ZNF746: variants seen among roughly 807,000 people sequenced by gnomAD.
ZNF746 encodes the protein zinc finger protein 746.
Under a neutral mutation model 41.0 loss-of-function variants are expected in ZNF746, and 13 were observed. The observed-to-expected ratio is 0.32, with a 90% confidence interval of 0.21 to 0.50. ZNF746 has a LOEUF of 0.50. ZNF746 is among the 20% of genes least tolerant of loss of function. The probability of loss-of-function intolerance (pLI) is 0.98; values close to 1 mark genes in which losing one functional copy is unlikely to be tolerated. For missense variants in ZNF746, 811 were observed against 922.9 expected, an observed-to-expected ratio of 0.88 and a Z score of 1.57; for synonymous variants, 424 against 396.2, an observed-to-expected ratio of 1.07 and a Z score of -0.83.
chr7:149,487,299 A>T (rs77336513), intron 4 of ZNF746, among the ~76,000 whole-genome samples: 14 of 152,370 alleles, frequency 9.2e-5, no homozygotes, highest in African/African-American at 3.4e-4. Flanking sequence ...AAAAAGGAGA[A>T]AAACAGCATT....
At chr7:149,478,260 TG>T (rs1800378997) in intron 4 of ZNF746, among the ~76,000 whole-genome samples, 1 of 152,130 alleles carries the variant, frequency 6.6e-6, no homozygotes, top group Non-Finnish European at 1.5e-5. Context: ...CCTTAGGGGC[TG>T]GGCTTTCATG....
intron 4 of ZNF746, chr7:149,489,751 A>C (rs1445212720): frequency 6.5e-6 from 1 of 153,160 alleles, no homozygotes; most frequent in African/African-American, 2.4e-5. Context: ...GGGCTGAGGC[A>C]AGACTGGGGG....
In ZNF746 at chr7:149,492,049, C is replaced by T. The variant is rs1800825615; in HGVS notation, c.565+810G>A. On this transcript the variant is annotated intron_variant, in intron 4 of 6. Coordinates refer to ENST00000458143, the MANE Select transcript of ZNF746 (RefSeq NM_001394198.1). ...GACCAAAGTAGCTCTACAACTGCTA[C>T]TGGTTTAAATTAAGGTTGGTTCTTG... is the stretch of plus-strand genomic sequence containing the variant. The T allele has an allele frequency of 4.4e-5, 31 of 698,236 alleles. 1 individual carries two copies. In the South Asian group the frequency reaches 4.6e-4, roughly 10 times the overall value. The allele number at this position is 698,236 out of a possible 1,614,324, so 43.3% of individuals were successfully genotyped here. A position where few individuals can be genotyped will look rare whatever the true frequency, so the allele number is the denominator to read the frequency against.
At position 149,477,604 on chromosome 7, in the gene ZNF746, C is replaced by T. The variant is rs1231572256; in HGVS notation, c.717G>A (p.Leu239=). 2 of 1,613,140 alleles carry T rather than the reference C, an allele frequency of 1.2e-6. No individual in the cohort carries two copies. Among genetic ancestry groups the T allele is most frequent in the Non-Finnish European group, 1.7e-6 (2 of 1,179,350 alleles). The stretch of plus-strand genomic sequence containing the variant: ...TGGAGATGTCTCCTGCTCCGGAATC[C>T]AGCTGGCTGAGGCCCCAGGGCTCCT... ...IGEEPWGLSQ[L]DSGAGDISTD... Residue 239 remains leucine, a synonymous_variant, in exon 5 of 7, where the codon CTG becomes CTA. Transcript: ENST00000458143.
At chr7:149,484,374 A>T (rs970947325) in intron 4 of ZNF746, among the ~76,000 whole-genome samples, 1 of 152,234 alleles carries the variant, frequency 6.6e-6, no homozygotes, top group Non-Finnish European at 1.5e-5. Context: ...AGGTTGGTTC[A>T]ACATTAGAAA....
intron 4 of ZNF746, among the ~76,000 whole-genome samples, chr7:149,483,013 T>A (rs777778184): frequency 2.7e-4 from 41 of 152,138 alleles, no homozygotes; most frequent in Non-Finnish European, 3.5e-4. Context: ...TACAGAGCGT[T>A]AAGGAAAAAT....
chr7:149,477,748 C>T lies in ZNF746; in HGVS notation c.573G>A (p.Gly191=), dbSNP rs1800355824. ...DVPVDPSPGS[G]PPVPAPDLLM... is the part of the protein sequence containing the mutation. Reference sequence around the variant, plus strand: ...AGAGGTCTGGGGCGGGAACTGGGGGCCCCGAGCCTAGGAAAGGGAGTGAGT... The same window carrying T: ...AGAGGTCTGGGGCGGGAACTGGGGGTCCCGAGCCTAGGAAAGGGAGTGAGT... The change falls in exon 5 of 7, where the codon GGG becomes GGA. Residue 191 remains glycine, a synonymous_variant. Coordinates refer to ENST00000458143, the MANE Select transcript of ZNF746 (RefSeq NM_001394198.1). 2 of 1,602,900 alleles carry T rather than the reference C, an allele frequency of 1.2e-6. No homozygotes were observed. The highest frequency in any genetic ancestry group is 4.5e-5 in the East Asian group (2 of 44,590).
rs1800940117 is a variant in ZNF746, at chr7:149,494,787, T to G, written c.25-284A>C. On this transcript the variant is annotated intron_variant, in intron 1 of 6. Transcript: ENST00000458143. The surrounding 1 kb of genome is among the most constrained non-coding windows in gnomAD (Gnocchi z 5.6). ...TAATTTCCTACCCACACCTACACTG[T>G]GGGCTCCCTGAACATGGTATTGCAT... 6.6e-6 allele frequency among the ~76,000 whole-genome samples: 1 copy of G among 152,058 alleles called. No individual in the cohort carries two copies. Among genetic ancestry groups the G allele is most frequent in the Non-Finnish European group, 1.5e-5 (1 of 68,010 alleles).
At position 149,497,585 on chromosome 7, in the gene ZNF746, C is replaced by CCG. The variant is rs1484186144; in HGVS notation, c.-51_-50dup. On this transcript the variant is annotated 5_prime_UTR_variant, in exon 1 of 7. Transcript: ENST00000458143. The surrounding 1 kb of genome is among the most constrained non-coding windows in gnomAD (Gnocchi z 4.2). ...CCGGAGGAAGTCGTCGTCGCCGCCGCCGCGCGCGGCACCACGCAGGCCCGG... is the reference window on the plus strand; with the variant it reads ...CCGGAGGAAGTCGTCGTCGCCGCCGCCGCGCGCGCGGCACCACGCAGGCCCGG... The CCG allele has an allele frequency of 2.8e-5, 29 of 1,040,236 alleles. No individual in the cohort carries two copies. The highest frequency in any genetic ancestry group is 4.4e-5 in the South Asian group (1 of 22,852). 64.4% of individuals were successfully genotyped at this position (1,040,236 alleles called of 1,614,324 possible).
Position 149,494,069 on chromosome 7 carries a change from T to A in ZNF746, c.371A>T (p.Glu124Val), listed in dbSNP as rs747769896. 6.2e-7 allele frequency: 1 copy of A among 1,614,026 alleles called. No homozygotes were observed. Among genetic ancestry groups the A allele is most frequent in the Non-Finnish European group, 8.5e-7 (1 of 1,179,994 alleles). ...DDVAVYFSEQ[E>V]WGKLEDWQKE... is the part of the protein sequence containing the mutation. ...CTGCCAGTCCTCCAGCTTGCCCCACTCCTGCTCGGAGAAATACACGGCCAC... is the reference window on the plus strand; with the variant it reads ...CTGCCAGTCCTCCAGCTTGCCCCACACCTGCTCGGAGAAATACACGGCCAC... Residue 124 changes from glutamate (E) to valine (V), a missense_variant, in exon 3 of 7, where the codon GAG becomes GTG. This residue lies in a region of ZNF746 where 147 missense variants were observed against 233.4 expected (regional missense o/e 0.63). Coordinates refer to ENST00000458143, the MANE Select transcript of ZNF746 (RefSeq NM_001394198.1). The surrounding 1 kb of genome is among the most constrained non-coding windows in gnomAD (Gnocchi z 5.6).
chr7:149,485,883 A>G (rs537886461), intron 4 of ZNF746, among the ~76,000 whole-genome samples: 137 of 152,132 alleles, frequency 9.0e-4, no homozygotes, highest in African/African-American at 3.3e-3. Flanking sequence ...TACTAAAAAT[A>G]CAAAAATTAG....
chr7:149,476,877 C>A (rs1211803552), intron 6 of ZNF746, 45 bp downstream of exon 6: 1 of 1,612,666 alleles, frequency 6.2e-7, no homozygotes, highest in African/African-American at 1.3e-5. Flanking sequence ...AGGTACTCCC[C>A]ACAGGCAAGC....
At chr7:149,493,045 C>A in intron 3 of ZNF746, 73 bp from the exon 4 acceptor site, 1 of 990,900 alleles carries the variant, frequency 1.0e-6, no homozygotes, top group Non-Finnish European at 1.6e-6. Flanking sequence ...GGAAAACCAA[C>A]AATGGTCTAG....
chr7:149,475,189 A>C lies in ZNF746; in HGVS notation c.1178T>G (p.Val393Gly). ...TPPGDWLFGG[V>G]RWGWNFRCKP... ...ACACCGGAAATTCCAGCCCCACCGG[A>C]CCCCTCCGAAGAGCCAGTCCCCAGG... The change falls in exon 7 of 7, where the codon GTC (valine) becomes GGC (glycine). Residue 393 changes from valine (V) to glycine (G), a missense_variant. Val to Gly is a moderately radical substitution (Grantham distance 109, BLOSUM62 -3). Transcript: ENST00000458143. 6.2e-7 allele frequency: 1 copy of C among 1,611,838 alleles called. No homozygotes were observed. Among genetic ancestry groups the C allele is most frequent in the Non-Finnish European group, 8.5e-7 (1 of 1,179,532 alleles).
intron 5 of ZNF746, 137 bp downstream of exon 5, chr7:149,477,427 C>G (rs746283365): frequency 9.5e-7 from 1 of 1,057,184 alleles, no homozygotes; most frequent in East Asian, 2.5e-5. Flanking sequence ...AGTCCTACCT[C>G]GAGACGGGAA....
Position 149,475,097 on chromosome 7 carries a change from C to T in ZNF746, c.1270G>A (p.Gly424Arg), listed in dbSNP as rs765268330. Reference protein sequence around the residue: ...EGLPYSSPDNGEAILDPSQAP... With the variant: ...EGLPYSSPDNREAILDPSQAP... ...TGGCTGGGGTCCAAGATGGCCTCTC[C>T]GTTGTCCGGGGAGGAGTAAGGAAGC... Residue 424 changes from glycine (G) to arginine (R), a missense_variant, in exon 7 of 7, where the codon GGA becomes AGA. Physicochemically the swap from Gly to Arg is moderately radical, Grantham distance 125. Coordinates refer to ENST00000458143, the MANE Select transcript of ZNF746 (RefSeq NM_001394198.1). 9 of 1,606,410 alleles carry T rather than the reference C, an allele frequency of 5.6e-6. No homozygotes were observed. The highest frequency in any genetic ancestry group is 3.3e-5 in the South Asian group (3 of 90,024).
chr7:149,497,451 C>T lies in ZNF746; in HGVS notation c.24+62G>A. On this transcript the variant is annotated intron_variant, in intron 1 of 6. Transcript: ENST00000458143. This position sits in a 1 kb window ranked among gnomAD's most constrained non-coding sequence, Gnocchi z 4.2. ...TCCCCAGGGCCTGCGGCGCCGTGTGCCGGGGCCGGGCCGCCTGGGGCCCCC... is the reference window on the plus strand; with the variant it reads ...TCCCCAGGGCCTGCGGCGCCGTGTGTCGGGGCCGGGCCGCCTGGGGCCCCC... The T allele has an allele frequency of 9.4e-7, 1 of 1,068,584 alleles. No individual in the cohort carries two copies. The highest frequency in any genetic ancestry group is 1.1e-6 in the Non-Finnish European group (1 of 887,208). 66.2% of individuals were successfully genotyped at this position (1,068,584 alleles called of 1,614,324 possible).
chr7:149,491,866 G>GA (rs1249366057), intron 4 of ZNF746: 1 of 701,084 alleles, frequency 1.4e-6, no homozygotes, highest in South Asian at 1.5e-5. Context: ...TTCACTTTAG[G>GA]AATTTGGTTT....
Position 149,497,235 on chromosome 7 carries a change from G to C in ZNF746, c.24+278C>G. ...GAAGGAGGGGACAGCGGCTGGGGCGGGGGCAGGAAGCCCCGGAGGGCCCAA... is the reference window on the plus strand; with the variant it reads ...GAAGGAGGGGACAGCGGCTGGGGCGCGGGCAGGAAGCCCCGGAGGGCCCAA... On this transcript the variant is annotated intron_variant, in intron 1 of 6. Transcript: ENST00000458143. This position sits in a 1 kb window ranked among gnomAD's most constrained non-coding sequence, Gnocchi z 4.2. The C allele has an allele frequency of 1.0e-6, 1 of 983,242 alleles. No individual in the cohort carries two copies. 60.9% of individuals were successfully genotyped at this position (983,242 alleles called of 1,614,324 possible). A position where few individuals can be genotyped will look rare whatever the true frequency, so the allele number is the denominator to read the frequency against.
Sources: allele counts gnomAD v4.1 joint callset (sites outside exome capture counted in the v4.1 genomes callset), GRCh38; gene constraint gnomAD v4.1.1; regional missense constraint gnomAD v4.1.1; non-coding constraint Gnocchi (gnomAD v3.1); transcripts MANE v1.5; gene names NCBI Gene and HGNC (gene_info 2026-07-23, HGNC 2026-07-21).